SUPT3H: variants seen among roughly 807,000 people sequenced by gnomAD.
SUPT3H encodes transcription initiation protein SPT3 homolog.
In SUPT3H, 44 loss-of-function variants were observed where a neutral mutation model predicts 44.3. The ratio of observed to expected loss-of-function variants is 0.99; its 90% CI spans 0.78 to 1.28. SUPT3H has a LOEUF of 1.28. SUPT3H is among the 50% of genes most tolerant of loss of function. The pLI is 0.00. For missense variants in SUPT3H, 380 were observed against 387.1 expected (o/e 0.98, Z 0.15); for synonymous variants, 124 against 125.6 (o/e 0.99, Z 0.09).
intron 3 of SUPT3H, among the ~76,000 whole-genome samples, chr6:45,075,752 A>T (rs1407380787): frequency 6.6e-6 from 1 of 152,138 alleles, no homozygotes; most frequent in Non-Finnish European, 1.5e-5. Flanking sequence ...AGCACTGCCC[A>T]GGATGAATTT....
intron 10 of SUPT3H, among the ~76,000 whole-genome samples, chr6:44,930,418 T>C (rs1291570403): frequency 1.3e-5 from 2 of 150,142 alleles, no homozygotes; most frequent in African/African-American, 4.9e-5. Flanking sequence ...CAAAAATTAG[T>C]TGGGCATGGT....
At chr6:44,881,877 GC>G (rs1315235698) in intron 10 of SUPT3H, among the ~76,000 whole-genome samples, 1 of 152,126 alleles carries the variant, frequency 6.6e-6, no homozygotes, top group African/African-American at 2.4e-5. Flanking sequence ...CTGGGACACA[GC>G]TAAAGCAGTG....
chr6:44,933,049 TA>T (rs528775618), intron 9 of SUPT3H, among the ~76,000 whole-genome samples: 174 of 152,220 alleles, frequency 1.1e-3, no homozygotes, highest in African/African-American at 3.9e-3. Context: ...TGCCTGCAGA[TA>T]AAAAGTGTCA....
At chr6:45,125,710 G>C (rs1802330594) in intron 2 of SUPT3H, among the ~76,000 whole-genome samples, 1 of 151,956 alleles carries the variant, frequency 6.6e-6, no homozygotes, top group South Asian at 2.1e-4. Context: ...ATCAGATTAT[G>C]GCTTCAGTAA....
chr6:45,331,971 C>T lies in SUPT3H; in HGVS notation c.101+33230G>A, dbSNP rs914505684. 3.3e-5 allele frequency among the ~76,000 whole-genome samples: 5 copies of T among 151,768 alleles called. No individual in the cohort carries two copies. In the East Asian group the frequency reaches 7.7e-4, roughly 23 times the overall value. On this transcript the variant is annotated intron_variant, in intron 2 of 10. Transcript: ENST00000371459. ...TTGATGGTTAAATAAACTGCAGGGG[C>T]GGGGGGAGCTAACTCATTGAAGGCA...
intron 2 of SUPT3H, among the ~76,000 whole-genome samples, chr6:45,270,281 T>C (rs191542094): frequency 1.3e-5 from 2 of 152,218 alleles, no homozygotes; most frequent in African/African-American, 4.8e-5. Flanking sequence ...TCTTTTTTTA[T>C]ACACTATTAA....
chr6:45,313,869 T>G (rs1238491701), intron 2 of SUPT3H, among the ~76,000 whole-genome samples: 2 of 152,110 alleles, frequency 1.3e-5, no homozygotes. Context: ...ATATCCTTGA[T>G]GAACATAGAT....
At chr6:44,867,395 C>T (rs981381976) in intron 10 of SUPT3H, among the ~76,000 whole-genome samples, 2 of 151,978 alleles carry the variant, frequency 1.3e-5, no homozygotes, top group Admixed American at 1.3e-4. Flanking sequence ...CCCGCCTCGG[C>T]CTCCCACCTT....
chr6:45,182,462 A>T (rs1813446028), intron 2 of SUPT3H, among the ~76,000 whole-genome samples: 1 of 152,062 alleles, frequency 6.6e-6, no homozygotes, highest in South Asian at 2.1e-4. Context: ...GGGTTTCACC[A>T]CGCTGGCCAG....
intron 2 of SUPT3H, among the ~76,000 whole-genome samples, chr6:45,289,933 T>C (rs1367355596): frequency 6.6e-6 from 1 of 152,188 alleles, no homozygotes; most frequent in East Asian, 1.9e-4. Flanking sequence ...TATAGTCACC[T>C]AGCATGTTGG....
chr6:44,900,025 A>G (rs755671833), intron 10 of SUPT3H, among the ~76,000 whole-genome samples: 9 of 152,228 alleles, frequency 5.9e-5, no homozygotes, highest in Non-Finnish European at 8.8e-5. Context: ...CTCAAATTAG[A>G]AAACTATTTT....
At chr6:45,089,594 A>G (rs1796888058) in intron 3 of SUPT3H, among the ~76,000 whole-genome samples, 1 of 151,968 alleles carries the variant, frequency 6.6e-6, no homozygotes. Flanking sequence ...TGCTTAGGAA[A>G]TATCTCTGAC....
intron 2 of SUPT3H, among the ~76,000 whole-genome samples, chr6:45,108,155 A>T (rs1334412137): frequency 6.6e-6 from 1 of 152,238 alleles, no homozygotes; most frequent in Non-Finnish European, 1.5e-5. Flanking sequence ...AATACTGTAA[A>T]TTCCAGGCAA....
At chr6:45,280,905 T>C (rs1334123348) in intron 2 of SUPT3H, among the ~76,000 whole-genome samples, 2 of 152,224 alleles carry the variant, frequency 1.3e-5, no homozygotes, top group Non-Finnish European at 2.9e-5. Flanking sequence ...GGTTGAGTAA[T>C]TGCCATTAAC....
intron 10 of SUPT3H, among the ~76,000 whole-genome samples, chr6:44,832,069 G>GTACTC (rs1183249016): frequency 6.6e-6 from 1 of 151,768 alleles, no homozygotes; most frequent in African/African-American, 2.4e-5. Flanking sequence ...ATTCCCTAGG[G>GTACTC]TACTCTATTT....
At chr6:44,960,277 C>T (rs1319257273) in intron 7 of SUPT3H, among the ~76,000 whole-genome samples, 1 of 151,492 alleles carries the variant, frequency 6.6e-6, no homozygotes, top group Non-Finnish European at 1.5e-5. Context: ...TGTGGTGGTG[C>T]ACGCCTGTAG....
At chr6:45,203,935 T>C (rs1762804369) in intron 2 of SUPT3H, among the ~76,000 whole-genome samples, 1 of 152,140 alleles carries the variant, frequency 6.6e-6, no homozygotes, top group Non-Finnish European at 1.5e-5. Context: ...CAGCTTTCTA[T>C]AATAAATTAT....
intron 2 of SUPT3H, among the ~76,000 whole-genome samples, chr6:45,144,078 CAGG>C (rs1398143902): frequency 6.6e-6 from 1 of 152,000 alleles, no homozygotes; most frequent in African/African-American, 2.4e-5. Flanking sequence ...AAAATAAGTC[CAGG>C]AGCAGATGGA....
intron 11 of SUPT3H, among the ~76,000 whole-genome samples, chr6:44,813,967 A>G (rs942535366): frequency 3.9e-5 from 6 of 152,186 alleles, no homozygotes; most frequent in East Asian, 1.9e-4. Flanking sequence ...AAAAATATCC[A>G]GCCACAGATT....
Sources: allele counts gnomAD v4.1 joint callset (sites outside exome capture counted in the v4.1 genomes callset), GRCh38; gene constraint gnomAD v4.1.1; transcripts MANE v1.5; gene names NCBI Gene and HGNC (gene_info 2026-07-23, HGNC 2026-07-21).